APBA2: variants seen among roughly 807,000 people sequenced by gnomAD.
APBA2 encodes the protein amyloid beta precursor protein binding family A member 2, also known as amyloid-beta A4 precursor protein-binding family A member 2.
A neutral mutation model predicts 75.0 loss-of-function variants in APBA2; 30 were observed. The observed-to-expected ratio is 0.40, with a 90% CI of 0.30 to 0.54. The LOEUF is 0.54. Ranked by LOEUF, APBA2 falls within the 20% of genes least tolerant of loss-of-function variation. The pLI, the probability that APBA2 is intolerant of heterozygous loss-of-function variation, is 0.49. For missense variants in APBA2, 801 were observed against 1,016.1 expected (o/e 0.79, Z 2.88); for synonymous variants, 444 against 409.6 (o/e 1.08, Z -1.01).
intron 6 of APBA2, among the ~76,000 whole-genome samples, chr15:29,089,965 C>T (rs1348535323): frequency 1.3e-5 from 2 of 152,184 alleles, no homozygotes; most frequent in African/African-American, 4.8e-5. Context: ...CTTTCATTTT[C>T]TAACGAAGCT....
intron 2 of APBA2, among the ~76,000 whole-genome samples, chr15:28,972,447 CA>C (rs1316550547): frequency 6.6e-6 from 1 of 152,206 alleles, no homozygotes; most frequent in African/African-American, 2.4e-5. Context: ...GCAGGGCCTC[CA>C]GGCAAAAGGA....
At chr15:29,071,665 C>T (rs1462593048) in intron 4 of APBA2, among the ~76,000 whole-genome samples, 3 of 149,066 alleles carry the variant, frequency 2.0e-5, no homozygotes, top group Admixed American at 6.8e-5. Context: ...CTGCCAGCCC[C>T]CCAACCCCGC....
intron 2 of APBA2, among the ~76,000 whole-genome samples, chr15:28,930,275 G>A (rs1360600363): frequency 6.6e-6 from 1 of 152,140 alleles, no homozygotes; most frequent in Non-Finnish European, 1.5e-5. Context: ...GGACCATAAG[G>A]TCCATCTGGG....
intron 6 of APBA2, among the ~76,000 whole-genome samples, chr15:29,087,844 C>G (rs993045765): frequency 2.0e-5 from 3 of 152,192 alleles, no homozygotes; most frequent in African/African-American, 7.2e-5. Context: ...TGCAGCCCCT[C>G]CTCCCAGTTG....
At chr15:28,996,038 G>A (rs1465266642) in intron 3 of APBA2, among the ~76,000 whole-genome samples, 2 of 151,992 alleles carry the variant, frequency 1.3e-5, no homozygotes, top group African/African-American at 2.4e-5. Context: ...TACCTTGCCC[G>A]GAACCGACCT....
chr15:29,020,273 G>C (rs1482184149), intron 3 of APBA2, among the ~76,000 whole-genome samples: 1 of 128,792 alleles, frequency 7.8e-6, no homozygotes, highest in Non-Finnish European at 1.5e-5. Flanking sequence ...GTTGTCTTCT[G>C]TTTTAGGTGT....
chr15:29,107,578 G>C (rs116198087), intron 12 of APBA2, among the ~76,000 whole-genome samples: 1 of 152,136 alleles, frequency 6.6e-6, no homozygotes, highest in Admixed American at 6.5e-5. Flanking sequence ...ACTGGCTCTC[G>C]GAGCTGGCCC....
chr15:28,939,748 C>T (rs1188845843), intron 2 of APBA2, among the ~76,000 whole-genome samples: 3 of 152,200 alleles, frequency 2.0e-5, no homozygotes, highest in Non-Finnish European at 4.4e-5. Flanking sequence ...TCCCCATGGA[C>T]ATCTGGGCTG....
chr15:29,082,632 CT>C (rs1477901289), intron 6 of APBA2, among the ~76,000 whole-genome samples: 1 of 152,090 alleles, frequency 6.6e-6, no homozygotes, highest in African/African-American at 2.4e-5. Context: ...CCATTCTTTT[CT>C]TCTTCTTCTT....
At chr15:28,899,117 G>A (rs892756886) in intron 1 of APBA2, among the ~76,000 whole-genome samples, 1 of 152,244 alleles carries the variant, frequency 6.6e-6, no homozygotes, top group African/African-American at 2.4e-5. Flanking sequence ...GGGAGATGTG[G>A]CGCATGGAGA....
intron 2 of APBA2, among the ~76,000 whole-genome samples, chr15:28,985,310 G>A (rs1423109476): frequency 1.3e-5 from 2 of 152,248 alleles, no homozygotes; most frequent in East Asian, 1.9e-4. Flanking sequence ...CACCCCACAC[G>A]CCCCTTCATG....
intron 4 of APBA2, among the ~76,000 whole-genome samples, chr15:29,073,794 G>A (rs546281981): frequency 6.6e-6 from 1 of 152,326 alleles, no homozygotes. Context: ...GGGATTTAAG[G>A]GCTATGGATC....
At chr15:29,069,534 G>T (rs930078534) in intron 4 of APBA2, among the ~76,000 whole-genome samples, 5 of 152,366 alleles carry the variant, frequency 3.3e-5, no homozygotes, top group African/African-American at 1.2e-4. Context: ...CTGTCACCTT[G>T]ATGGTTTGGT....
At chr15:29,099,281 G>A (rs1290046722) in intron 9 of APBA2, among the ~76,000 whole-genome samples, 1 of 152,206 alleles carries the variant, frequency 6.6e-6, no homozygotes, top group African/African-American at 2.4e-5. Context: ...AGGCTGGGTG[G>A]TTTGGAGGAC....
At chr15:28,906,515 A>G (rs1276079113) in intron 1 of APBA2, among the ~76,000 whole-genome samples, 4 of 152,106 alleles carry the variant, frequency 2.6e-5, no homozygotes, top group Non-Finnish European at 5.9e-5. Flanking sequence ...CTAGAAGTGG[A>G]CTTGCTGGGC....
intron 2 of APBA2, among the ~76,000 whole-genome samples, chr15:28,966,970 A>G (rs2036772236): frequency 6.6e-6 from 1 of 152,188 alleles, no homozygotes; most frequent in South Asian, 2.1e-4. Context: ...TGAGTACCTT[A>G]TCGTATGACA....
chr15:29,113,009 G>A (rs957501235), intron 13 of APBA2, among the ~76,000 whole-genome samples: 1 of 152,174 alleles, frequency 6.6e-6, no homozygotes, highest in African/African-American at 2.4e-5. Flanking sequence ...AGGTCTGTCC[G>A]TGTTGTAGCA....
chr15:29,073,139 C>T (rs2042699284), intron 4 of APBA2, among the ~76,000 whole-genome samples: 2 of 152,128 alleles, frequency 1.3e-5, no homozygotes, highest in Admixed American at 1.3e-4. Flanking sequence ...TCTCAAAACC[C>T]CAGAGAGGCA....
Position 28,918,409 on chromosome 15 carries a change from A to T in APBA2, c.-204-3231A>T, listed in dbSNP as rs1175333958. On this transcript the variant is annotated intron_variant, in intron 1 of 14. Coordinates refer to ENST00000683413, the MANE Select transcript of APBA2 (RefSeq NM_001353788.2). This position sits in a 1 kb window ranked among gnomAD's most constrained non-coding sequence, Gnocchi z 4.2. ...GACACAGGAGCAGCCTTGATGCGCAACGCCCCCTCCAGGCCCCGAGTCCCT... is the reference window on the plus strand; with the variant it reads ...GACACAGGAGCAGCCTTGATGCGCATCGCCCCCTCCAGGCCCCGAGTCCCT... Among the ~76,000 whole-genome samples the T allele has an allele frequency of 1.3e-5, 2 of 152,088 alleles. No homozygotes were observed.
Sources: gnomAD v4.1 joint callset for allele counts (sites outside exome capture counted in the v4.1 genomes callset) on GRCh38, gnomAD v4.1.1 for gene constraint, Gnocchi (gnomAD v3.1) non-coding constraint, MANE v1.5 for transcripts, NCBI Gene and HGNC (gene_info 2026-07-23, HGNC 2026-07-21) for gene names.